Variants in FAR2 observed in about 807,000 individuals in gnomAD.
The protein encoded by FAR2 is epididymis secretory protein Li 81.
A neutral mutation model predicts 56.0 loss-of-function variants in FAR2; 19 were observed. The observed-to-expected ratio is 0.34, with a 90% confidence interval of 0.24 to 0.50. The LOEUF (loss-of-function observed/expected upper bound fraction) is 0.50, where lower values mean the gene tolerates loss of function less well. Among genes scored for constraint, FAR2 ranks in the 20% least tolerant of loss-of-function variants. The pLI is 0.98. For synonymous variants in FAR2, 219 were observed against 218.8 expected, an observed-to-expected ratio of 1.00 and a Z score of -0.01; for missense variants, 508 against 642.2, an observed-to-expected ratio of 0.79 and a Z score of 2.26.
At chr12:29,275,563 G>C (rs1948696000) in intron 2 of FAR2, among the ~76,000 whole-genome samples, 1 of 152,142 alleles carries the variant, frequency 6.6e-6, no homozygotes. Context: ...GGTTGAACTA[G>C]TTTACAGTCC....
chr12:29,233,827 G>A (rs1212397640), intron 1 of FAR2, among the ~76,000 whole-genome samples: 1 of 152,148 alleles, frequency 6.6e-6, no homozygotes, highest in Non-Finnish European at 1.5e-5. Flanking sequence ...TCTGGAACAA[G>A]TTATCCTGTT....
In FAR2 at chr12:29,293,259, T is replaced by C. The variant is rs375926712; in HGVS notation, c.190-41T>C. ...ATAAACAAGAACAATGTGATAATGA[T>C]GGTGCTATTTTTTGTATATTGATCT... On this transcript the variant is annotated intron_variant, in intron 2 of 11. Coordinates refer to ENST00000536681, the MANE Select transcript of FAR2 (RefSeq NM_001271783.2). The C allele has an allele frequency of 5.6e-6, 8 of 1,416,022 alleles. No homozygotes were observed. The South Asian group carries it at 9.1e-5, about 16-fold the overall frequency. 87.7% of individuals were successfully genotyped at this position (1,416,022 alleles called of 1,614,324 possible).
chr12:29,205,706 T>C (rs902666806), intron 1 of FAR2, among the ~76,000 whole-genome samples: 1 of 152,228 alleles, frequency 6.6e-6, no homozygotes, highest in Non-Finnish European at 1.5e-5. Flanking sequence ...AGAAGCATCC[T>C]TGATGTCTGA....
In FAR2 at chr12:29,311,884, C is replaced by A; in HGVS notation, c.889C>A (p.Pro297Thr). The A allele has an allele frequency of 6.2e-7, 1 of 1,600,282 alleles. No homozygotes were observed. The highest frequency in any genetic ancestry group is 2.2e-5 in the East Asian group (1 of 44,676). ...AVGWYTAVHRPKSTLVYHITS... is the reference protein window; with the variant it reads ...AVGWYTAVHRTKSTLVYHITS... Reference sequence around the variant, plus strand: ...TCTAATTTTTATTTCATTTTCCAGACCTAAGTCAACATTAGTCTACCACAT... The same window carrying A: ...TCTAATTTTTATTTCATTTTCCAGAACTAAGTCAACATTAGTCTACCACAT... Residue 297 changes from proline (P) to threonine (T), a missense_variant and splice_region_variant, in exon 8 of 12, where the codon CCT (proline) becomes ACT (threonine). By Grantham distance (38) the Pro-to-Thr change is conservative (BLOSUM62 -1). Transcript: ENST00000536681.
At chr12:29,258,708 C>A (rs967495059) in intron 1 of FAR2, among the ~76,000 whole-genome samples, 1 of 152,320 alleles carries the variant, frequency 6.6e-6, no homozygotes, top group African/African-American at 2.4e-5. Flanking sequence ...TGTATAGAGT[C>A]ATCCATATAC....
intron 1 of FAR2, among the ~76,000 whole-genome samples, chr12:29,202,231 A>G (rs1323209294): frequency 1.3e-5 from 2 of 152,222 alleles, no homozygotes; most frequent in Non-Finnish European, 2.9e-5. Flanking sequence ...ACAAACTCAC[A>G]TCTATCTGGT....
chr12:29,150,385 CAAGG>C (rs1949673008), intron 1 of FAR2, among the ~76,000 whole-genome samples: 1 of 152,116 alleles, frequency 6.6e-6, no homozygotes, highest in Non-Finnish European at 1.5e-5. Context: ...ATGTGATGAG[CAAGG>C]ACAGAGTAGG....
At chr12:29,200,810 A>G (rs1216002930) in intron 1 of FAR2, among the ~76,000 whole-genome samples, 2 of 152,186 alleles carry the variant, frequency 1.3e-5, no homozygotes, top group Admixed American at 1.3e-4. Context: ...CACAATGTCA[A>G]TTACCCTCTA....
chr12:29,267,007 A>G (rs1366481132), intron 1 of FAR2, among the ~76,000 whole-genome samples: 1 of 152,208 alleles, frequency 6.6e-6, no homozygotes, highest in African/African-American at 2.4e-5. Flanking sequence ...TCCAAACTCA[A>G]CTTTCCTTCT....
Position 29,239,578 on chromosome 12 carries a change from A to G in FAR2, c.-38-30834A>G, listed in dbSNP as rs549144705. On this transcript the variant is annotated intron_variant, in intron 1 of 11. Transcript: ENST00000536681. ...AGTAACAGCTCCCAAAAGACTACCCACGTGGGAAGAGATGATGTGAGGTGA... is the reference window on the plus strand; with the variant it reads ...AGTAACAGCTCCCAAAAGACTACCCGCGTGGGAAGAGATGATGTGAGGTGA... Among the ~76,000 whole-genome samples the G allele has an allele frequency of 6.6e-5, 10 of 152,148 alleles. No individual in the cohort carries two copies. In the East Asian group the frequency reaches 1.9e-3, roughly 29 times the overall value.
chr12:29,199,900 T>A (rs1947384642), intron 1 of FAR2, among the ~76,000 whole-genome samples: 1 of 152,172 alleles, frequency 6.6e-6, no homozygotes, highest in Non-Finnish European at 1.5e-5. Flanking sequence ...GATTGATTCA[T>A]TTTTTAAAAT....
intron 10 of FAR2, among the ~76,000 whole-genome samples, chr12:29,327,042 A>G (rs548365362): frequency 6.6e-6 from 1 of 152,370 alleles, no homozygotes; most frequent in African/African-American, 2.4e-5. Flanking sequence ...GCTGATAAGC[A>G]ACTTCAGCAA....
At chr12:29,287,108 G>T (rs1278852554) in intron 2 of FAR2, among the ~76,000 whole-genome samples, 2 of 151,938 alleles carry the variant, frequency 1.3e-5, no homozygotes, top group African/African-American at 4.8e-5. Context: ...TCAACTTCAG[G>T]GTATATCAGA....
At chr12:29,304,562 T>C (rs1053411276) in intron 4 of FAR2, among the ~76,000 whole-genome samples, 4 of 152,350 alleles carry the variant, frequency 2.6e-5, no homozygotes, top group Admixed American at 6.5e-5. Flanking sequence ...TGCCCACTTG[T>C]TGCATAAGAA....
intron 2 of FAR2, chr12:29,292,474 A>T (rs764310101): frequency 6.6e-6 from 1 of 152,254 alleles, no homozygotes; most frequent in South Asian, 2.1e-4. Context: ...TACAATTAAC[A>T]TTAACTATCA....
chr12:29,325,351 A>C (rs1194374482), intron 10 of FAR2, among the ~76,000 whole-genome samples: 1 of 152,194 alleles, frequency 6.6e-6, no homozygotes, highest in African/African-American at 2.4e-5. Flanking sequence ...TGACACAGAA[A>C]GTTAACAAGG....
intron 4 of FAR2, among the ~76,000 whole-genome samples, chr12:29,305,351 TG>T (rs1465388104): frequency 6.6e-6 from 1 of 152,082 alleles, no homozygotes; most frequent in African/African-American, 2.4e-5. Context: ...TTGCCCAGGC[TG>T]GTCTCAAACT....
chr12:29,227,597 C>A (rs1947789420), intron 1 of FAR2, among the ~76,000 whole-genome samples: 2 of 152,068 alleles, frequency 1.3e-5, no homozygotes, highest in African/African-American at 2.4e-5. Context: ...TGTCATTTTG[C>A]CCTGTACACA....
At chr12:29,256,842 G>A (rs1948326681) in intron 1 of FAR2, among the ~76,000 whole-genome samples, 1 of 152,236 alleles carries the variant, frequency 6.6e-6, no homozygotes, top group South Asian at 2.1e-4. Flanking sequence ...CAACGGCGCT[G>A]CACTGGATTT....
Sources: allele counts gnomAD v4.1 joint callset (sites outside exome capture counted in the v4.1 genomes callset), GRCh38; gene constraint gnomAD v4.1.1; transcripts MANE v1.5; gene names NCBI Gene and HGNC (gene_info 2026-07-23, HGNC 2026-07-21).